Variants in SOX6 observed in about 807,000 individuals in gnomAD.
SOX6 encodes transcription factor SOX-6.
Under a neutral mutation model 97.8 loss-of-function variants are expected in SOX6, and 11 were observed. The ratio of observed to expected loss-of-function variants is 0.11; its 90% CI spans 0.07 to 0.19. The LOEUF (loss-of-function observed/expected upper bound fraction) is 0.19. SOX6 is among the 10% of genes least tolerant of loss of function. The pLI is 1.00. For synonymous variants in SOX6, 360 were observed against 371.4 expected (o/e 0.97, Z 0.35); for missense variants, 810 against 1,039.5 (o/e 0.78, Z 3.04).
At chr11:16,099,911 T>C (rs1848899723) in intron 7 of SOX6, among the ~76,000 whole-genome samples, 1 of 151,806 alleles carries the variant, frequency 6.6e-6, no homozygotes, top group Non-Finnish European at 1.5e-5. Context: ...TATTTCTCCA[T>C]AACATATCAT....
chr11:16,272,021 T>A (rs1050456439), intron 3 of SOX6, among the ~76,000 whole-genome samples: 3 of 151,426 alleles, frequency 2.0e-5, no homozygotes, highest in African/African-American at 7.2e-5. Flanking sequence ...ATGTATTCCA[T>A]AAATTTCAAA....
intron 3 of SOX6, among the ~76,000 whole-genome samples, chr11:16,309,204 G>A (rs991887441): frequency 6.6e-6 from 1 of 152,196 alleles, no homozygotes; most frequent in Non-Finnish European, 1.5e-5. Flanking sequence ...ATGTGCATCA[G>A]AAGACAGGTG....
chr11:16,132,266 A>AGAAGGAAGGAAG (rs201516052), intron 6 of SOX6, among the ~76,000 whole-genome samples: 1 of 38,242 alleles, frequency 2.6e-5, no homozygotes, highest in Non-Finnish European at 5.0e-5. Context: ...AAAGAAAGAA[A>AGAAGGAAGGAAG]GAAGGAAGGA....
chr11:16,433,914 C>T (rs1859320280), intron 1 of SOX6, among the ~76,000 whole-genome samples: 1 of 152,080 alleles, frequency 6.6e-6, no homozygotes, highest in African/African-American at 2.4e-5. Context: ...AGCTCTCAAT[C>T]ATCTACAAGG....
intron 12 of SOX6, among the ~76,000 whole-genome samples, chr11:16,043,640 C>T (rs1855741875): frequency 6.6e-6 from 1 of 152,100 alleles, no homozygotes; most frequent in Non-Finnish European, 1.5e-5. Flanking sequence ...TAAGTGTTGG[C>T]CCACATTTAT....
Position 16,624,602 on chromosome 11 carries a change from T to G in SOX6, n.430-12342A>C, listed in dbSNP as rs12274195. Among the ~76,000 whole-genome samples the G allele has an allele frequency of 2.9e-3, 443 of 152,348 alleles. 6 individuals carry two copies. The highest frequency in any genetic ancestry group is 0.01 in the African/African-American group (421 of 41,570). ...TGAATAAAACTGCTATAAACATTCT[T>G]GTACAAATGTTTTTGTAAACATGTT... On this transcript the variant is annotated intron_variant and non_coding_transcript_variant, in intron 3 of 5. Transcript: ENST00000524520.
intron 3 of SOX6, among the ~76,000 whole-genome samples, chr11:16,706,647 G>A (rs937628012): frequency 2.6e-4 from 39 of 149,738 alleles, no homozygotes; most frequent in African/African-American, 8.6e-4. Flanking sequence ...TAAGATATAG[G>A]GGGTAGGAGG....
intron 6 of SOX6, among the ~76,000 whole-genome samples, chr11:16,134,575 T>A (rs773970865): frequency 2.6e-5 from 4 of 152,206 alleles, no homozygotes; most frequent in African/African-American, 9.7e-5. Context: ...GCTCACTTTG[T>A]TTCTTTGTGT....
chr11:16,431,520 T>C (rs1387971481), intron 1 of SOX6, among the ~76,000 whole-genome samples: 1 of 152,096 alleles, frequency 6.6e-6, no homozygotes, highest in African/African-American at 2.4e-5. Flanking sequence ...TGGGAATTTC[T>C]GGCCAAACTA....
intron 6 of SOX6, among the ~76,000 whole-genome samples, chr11:16,177,519 G>A (rs7118395): frequency 0.59 from 89,146 of 151,636 alleles, 27,206 homozygotes; most frequent in East Asian, 0.75. Context: ...ATCACCTGCC[G>A]TAAATAGAAG....
At chr11:16,279,644 C>G (rs1044058916) in intron 3 of SOX6, among the ~76,000 whole-genome samples, 1 of 151,862 alleles carries the variant, frequency 6.6e-6, no homozygotes, top group African/African-American at 2.4e-5. Context: ...CTTACATTTT[C>G]AAAATAACAG....
At chr11:16,372,778 G>T (rs1857525446) in intron 1 of SOX6, among the ~76,000 whole-genome samples, 1 of 152,042 alleles carries the variant, frequency 6.6e-6, no homozygotes, top group Non-Finnish European at 1.5e-5. Flanking sequence ...TAGTCAATTT[G>T]ATATCACCAG....
intron 3 of SOX6, among the ~76,000 whole-genome samples, chr11:16,647,103 T>C (rs1319629919): frequency 1.3e-5 from 2 of 152,198 alleles, no homozygotes; most frequent in Non-Finnish European, 2.9e-5. Context: ...TAGTATTGCA[T>C]TGTGGTTTTG....
intron 10 of SOX6, among the ~76,000 whole-genome samples, chr11:16,053,981 T>C (rs1847750147): frequency 6.6e-6 from 1 of 152,178 alleles, no homozygotes; most frequent in Non-Finnish European, 1.5e-5. Flanking sequence ...ATAAAAAATC[T>C]AATAAGTAAA....
intron 4 of SOX6, among the ~76,000 whole-genome samples, chr11:16,517,032 A>G (rs1416230282): frequency 2.3e-4 from 33 of 141,978 alleles, no homozygotes; most frequent in African/African-American, 8.4e-4. Context: ...ATATACGCAA[A>G]TCAATAAATG....
At chr11:16,330,755 G>C (rs1856264905) in intron 2 of SOX6, among the ~76,000 whole-genome samples, 1 of 152,104 alleles carries the variant, frequency 6.6e-6, no homozygotes, top group South Asian at 2.1e-4. Context: ...GAAGTGCCAA[G>C]AGGCTTAGTC....
At chr11:16,721,071 G>A (rs1458302558) in intron 2 of SOX6, among the ~76,000 whole-genome samples, 1 of 152,140 alleles carries the variant, frequency 6.6e-6, no homozygotes, top group Non-Finnish European at 1.5e-5. Flanking sequence ...TGAAGGACGC[G>A]AATGGGCCTG....
At chr11:15,983,719 G>C (rs539580515) in intron 15 of SOX6, among the ~76,000 whole-genome samples, 1 of 152,132 alleles carries the variant, frequency 6.6e-6, no homozygotes, top group Non-Finnish European at 1.5e-5. Flanking sequence ...AGAGGAAAAT[G>C]CTCAGCATTG....
chr11:16,545,485 G>A (rs75981535), intron 4 of SOX6, among the ~76,000 whole-genome samples: 1,893 of 152,206 alleles, frequency 0.012, 39 homozygotes, highest in African/African-American at 0.043. Context: ...CATATATGGC[G>A]AAGCCACAGA....
Sources: gnomAD v4.1 joint callset for allele counts (sites outside exome capture counted in the v4.1 genomes callset) on GRCh38, gnomAD v4.1.1 for gene constraint, MANE v1.5 for transcripts, NCBI Gene and HGNC (gene_info 2026-07-23, HGNC 2026-07-21) for gene names.